CTNND2: variants seen among roughly 807,000 people sequenced by gnomAD.
CTNND2 encodes catenin delta 2.
In CTNND2, 22 loss-of-function variants were observed where a neutral mutation model predicts 144.4. The observed-to-expected ratio is 0.15, with a 90% CI of 0.11 to 0.22. CTNND2 has a LOEUF of 0.22. Ranked by LOEUF, CTNND2 falls within the 10% of genes least tolerant of loss-of-function variation. The pLI is 1.00. For missense variants in CTNND2, 1,353 were observed against 1,618.8 expected, an observed-to-expected ratio of 0.84 and a Z score of 2.82; for synonymous variants, 751 against 695.6, an observed-to-expected ratio of 1.08 and a Z score of -1.25.
chr5:11,232,148 G>A (rs1300536570), intron 10 of CTNND2, among the ~76,000 whole-genome samples: 2 of 152,248 alleles, frequency 1.3e-5, no homozygotes, highest in African/African-American at 4.8e-5. Flanking sequence ...TTTGTTGCAG[G>A]GGTGGAGCCC....
intron 18 of CTNND2, among the ~76,000 whole-genome samples, chr5:11,012,477 G>A (rs1446691817): frequency 6.6e-6 from 1 of 152,158 alleles, no homozygotes. Context: ...TTTCCTGGTG[G>A]CTCTTCATCA....
intron 9 of CTNND2, among the ~76,000 whole-genome samples, chr5:11,333,161 C>A (rs1189357781): frequency 6.6e-6 from 1 of 152,222 alleles, no homozygotes; most frequent in African/African-American, 2.4e-5. Flanking sequence ...TTCCTCCCTT[C>A]TTACAGCTGA....
intron 2 of CTNND2, among the ~76,000 whole-genome samples, chr5:11,690,035 A>T (rs1049519780): frequency 6.6e-6 from 1 of 152,244 alleles, no homozygotes; most frequent in African/African-American, 2.4e-5. Context: ...TTCTTTCAAA[A>T]ATAATAACCT....
At chr5:11,634,407 A>G (rs1419503065) in intron 2 of CTNND2, among the ~76,000 whole-genome samples, 1 of 152,286 alleles carries the variant, frequency 6.6e-6, no homozygotes, top group East Asian at 1.9e-4. Flanking sequence ...CTTCTGCTCC[A>G]CGGGGATATG....
chr5:11,778,588 A>C (rs1203740318), intron 1 of CTNND2, among the ~76,000 whole-genome samples: 1 of 152,206 alleles, frequency 6.6e-6, no homozygotes, highest in Non-Finnish European at 1.5e-5. Context: ...TCTACAATAT[A>C]CCAGACCAGT....
At chr5:11,039,034 G>A (rs966754132) in intron 16 of CTNND2, among the ~76,000 whole-genome samples, 6 of 152,106 alleles carry the variant, frequency 3.9e-5, no homozygotes, top group Admixed American at 6.6e-5. Context: ...CCTCATTCAG[G>A]GAAACAGGAC....
At chr5:11,348,341 G>T (rs181565881) in intron 8 of CTNND2, among the ~76,000 whole-genome samples, 1 of 149,254 alleles carries the variant, frequency 6.7e-6, no homozygotes, top group African/African-American at 2.5e-5. Context: ...TTTAAAACAG[G>T]CAAGTCATAA....
At chr5:11,183,108 C>T (rs1735263386) in intron 11 of CTNND2, among the ~76,000 whole-genome samples, 1 of 152,154 alleles carries the variant, frequency 6.6e-6, no homozygotes, top group South Asian at 2.1e-4. Flanking sequence ...AAATACCTAG[C>T]CATGCTCAAT....
intron 11 of CTNND2, among the ~76,000 whole-genome samples, chr5:11,189,185 T>A (rs1735993955): frequency 6.6e-6 from 1 of 152,186 alleles, no homozygotes; most frequent in African/African-American, 2.4e-5. Context: ...GCTCCTTCTT[T>A]TCTCCCTTCC....
intron 1 of CTNND2, among the ~76,000 whole-genome samples, chr5:11,873,272 T>G (rs1735299455): frequency 6.6e-6 from 1 of 152,148 alleles, no homozygotes; most frequent in South Asian, 2.1e-4. Context: ...GCACAAGAAT[T>G]TAAAATTTAA....
intron 3 of CTNND2, among the ~76,000 whole-genome samples, chr5:11,422,478 G>A (rs1273784522): frequency 1.3e-5 from 2 of 152,118 alleles, no homozygotes; most frequent in African/African-American, 4.8e-5. Flanking sequence ...AGCTAATTTT[G>A]TTGGCACTGG....
At chr5:11,172,598 A>G (rs904805630) in intron 11 of CTNND2, among the ~76,000 whole-genome samples, 4 of 152,210 alleles carry the variant, frequency 2.6e-5, no homozygotes, top group African/African-American at 7.2e-5. Context: ...AAGTGGTCTC[A>G]AGCCTCAAGG....
intron 5 of CTNND2, among the ~76,000 whole-genome samples, chr5:11,402,338 C>T (rs7736546): frequency 0.19 from 28,392 of 152,100 alleles, 5,367 homozygotes; most frequent in African/African-American, 0.49. Context: ...GATGGTAGAA[C>T]TTACATACAA....
At chr5:11,567,494 G>A (rs1777210971) in intron 2 of CTNND2, among the ~76,000 whole-genome samples, 1 of 152,060 alleles carries the variant, frequency 6.6e-6, no homozygotes, top group South Asian at 2.1e-4. Flanking sequence ...AGGCCACTTG[G>A]AATTGTCCCA....
intron 1 of CTNND2, among the ~76,000 whole-genome samples, chr5:11,865,230 A>G (rs140896330): frequency 6.6e-6 from 1 of 152,260 alleles, no homozygotes; most frequent in Admixed American, 6.5e-5. Flanking sequence ...GGGCTGATTT[A>G]AGAATATGAG....
At chr5:11,646,127 C>A (rs888225923) in intron 2 of CTNND2, among the ~76,000 whole-genome samples, 4 of 151,958 alleles carry the variant, frequency 2.6e-5, no homozygotes, top group Non-Finnish European at 1.5e-5. Context: ...TCTCTCTGCT[C>A]TCTCAGTCCA....
chr5:11,139,870 A>C (rs1369236074), intron 12 of CTNND2, among the ~76,000 whole-genome samples: 1 of 152,130 alleles, frequency 6.6e-6, no homozygotes, highest in Non-Finnish European at 1.5e-5. Context: ...CCAGGGGAGA[A>C]TGTTTCCCTG....
chr5:11,858,665 C>T (rs997309043), intron 1 of CTNND2, among the ~76,000 whole-genome samples: 1 of 152,198 alleles, frequency 6.6e-6, no homozygotes, highest in African/African-American at 2.4e-5. Context: ...CACGGTGGCT[C>T]ACGCCTGTTA....
At chr5:11,582,746 T>C (rs938903069) in intron 2 of CTNND2, among the ~76,000 whole-genome samples, 28 of 152,318 alleles carry the variant, frequency 1.8e-4, no homozygotes, top group African/African-American at 6.0e-4. Context: ...ACACACTTCA[T>C]AGACAGCATC....
Sources: gnomAD v4.1 joint callset for allele counts (sites outside exome capture counted in the v4.1 genomes callset) on GRCh38, gnomAD v4.1.1 for gene constraint, MANE v1.5 for transcripts, NCBI Gene and HGNC (gene_info 2026-07-23, HGNC 2026-07-21) for gene names.